MGMT: variants seen among roughly 807,000 people sequenced by gnomAD.
MGMT encodes the protein methylated-DNA--protein-cysteine methyltransferase.
In MGMT, 14 loss-of-function variants were observed where a neutral mutation model predicts 15.9. The ratio of observed to expected loss-of-function variants is 0.88; its 90% CI spans 0.58 to 1.37. MGMT has a LOEUF of 1.37. MGMT is among the 40% of genes most tolerant of loss of function. MGMT has a pLI of 0.00. For synonymous variants in MGMT, 130 were observed against 118.2 expected, an observed-to-expected ratio of 1.10 and a Z score of -0.65; for missense variants, 282 against 268.1, an observed-to-expected ratio of 1.05 and a Z score of -0.36.
chr10:129,472,034 C>T (rs763371874), intron 1 of MGMT, among the ~76,000 whole-genome samples: 2 of 152,198 alleles, frequency 1.3e-5, no homozygotes, highest in African/African-American at 2.4e-5. Context: ...CAAACACACG[C>T]GAAGCACGGG....
At chr10:129,568,025 A>C (rs947015301) in intron 2 of MGMT, among the ~76,000 whole-genome samples, 2 of 152,228 alleles carry the variant, frequency 1.3e-5, no homozygotes, top group Non-Finnish European at 2.9e-5. Flanking sequence ...GTTGCACTTT[A>C]AGAGACATTA....
chr10:129,483,649 G>A (rs1212774469), intron 1 of MGMT, among the ~76,000 whole-genome samples: 1 of 152,072 alleles, frequency 6.6e-6, no homozygotes, highest in African/African-American at 2.4e-5. Context: ...TCTTCTGTAT[G>A]TAATCTGGCA....
intron 1 of MGMT, among the ~76,000 whole-genome samples, chr10:129,513,224 G>A (rs997639268): frequency 1.3e-5 from 2 of 152,170 alleles, no homozygotes; most frequent in African/African-American, 4.8e-5. Context: ...AAGTAGAATA[G>A]TGGGTGCTGG....
At chr10:129,643,530 G>A (rs532593377) in intron 2 of MGMT, among the ~76,000 whole-genome samples, 2 of 152,212 alleles carry the variant, frequency 1.3e-5, no homozygotes, top group African/African-American at 2.4e-5. Context: ...CTTGAGAGTC[G>A]AGCTCCACCT....
intron 1 of MGMT, among the ~76,000 whole-genome samples, chr10:129,521,722 G>A (rs1167890378): frequency 5.3e-5 from 8 of 152,272 alleles, no homozygotes; most frequent in Non-Finnish European, 8.8e-5. Flanking sequence ...CCACAGTGTC[G>A]GCTCAAGAAG....
intron 3 of MGMT, among the ~76,000 whole-genome samples, chr10:129,725,441 A>T (rs560836290): frequency 6.6e-6 from 1 of 152,358 alleles, no homozygotes; most frequent in East Asian, 1.9e-4. Context: ...GTTTTCTCTA[A>T]TATTTCCACA....
intron 2 of MGMT, among the ~76,000 whole-genome samples, chr10:129,702,596 G>C (rs1319304879): frequency 6.6e-6 from 1 of 152,166 alleles, no homozygotes; most frequent in Non-Finnish European, 1.5e-5. Context: ...GTCTCCTGCA[G>C]GGTTTGAGGG....
chr10:129,580,730 T>C (rs149046209), intron 2 of MGMT, among the ~76,000 whole-genome samples: 305 of 152,284 alleles, frequency 2.0e-3, no homozygotes, highest in Admixed American at 2.8e-3. Flanking sequence ...CACCCCATGA[T>C]TGGGGATACC....
chr10:129,698,277 C>T (rs373792594), intron 2 of MGMT, among the ~76,000 whole-genome samples: 3 of 152,126 alleles, frequency 2.0e-5, no homozygotes, highest in East Asian at 3.9e-4. Flanking sequence ...CAGACACCAG[C>T]GGTTGACCAG....
At chr10:129,714,587 C>G (rs1207553448) in intron 3 of MGMT, among the ~76,000 whole-genome samples, 1 of 152,102 alleles carries the variant, frequency 6.6e-6, no homozygotes, top group Non-Finnish European at 1.5e-5. Context: ...TACACTAAAA[C>G]CTTAGCATGG....
intron 2 of MGMT, among the ~76,000 whole-genome samples, chr10:129,630,860 G>T (rs1419643705): frequency 6.6e-6 from 1 of 152,220 alleles, no homozygotes; most frequent in African/African-American, 2.4e-5. Context: ...TGGCCAGGCT[G>T]CTTCCGATAC....
intron 2 of MGMT, among the ~76,000 whole-genome samples, chr10:129,639,815 G>T (rs1847306267): frequency 1.3e-5 from 2 of 151,682 alleles, no homozygotes; most frequent in African/African-American, 4.8e-5. Context: ...ACAGAAGGAA[G>T]GAGATAATAA....
chr10:129,627,246 G>T (rs1847160314), intron 2 of MGMT, among the ~76,000 whole-genome samples: 1 of 152,162 alleles, frequency 6.6e-6, no homozygotes, highest in African/African-American at 2.4e-5. Flanking sequence ...TTCTCACGTG[G>T]ATCAGTCTAA....
intron 2 of MGMT, among the ~76,000 whole-genome samples, chr10:129,686,240 C>T (rs1300022038): frequency 6.6e-6 from 1 of 150,948 alleles, no homozygotes; most frequent in Non-Finnish European, 1.5e-5. Flanking sequence ...TATGCTATTG[C>T]TAATAAATTG....
chr10:129,499,512 T>G (rs1291730225), intron 1 of MGMT, among the ~76,000 whole-genome samples: 1 of 152,254 alleles, frequency 6.6e-6, no homozygotes, highest in East Asian at 1.9e-4. Context: ...AATAGCATTT[T>G]CTGCTAATTT....
intron 3 of MGMT, among the ~76,000 whole-genome samples, chr10:129,731,028 G>A (rs922748398): frequency 2.6e-5 from 4 of 152,116 alleles, no homozygotes; most frequent in Admixed American, 6.5e-5. Flanking sequence ...CTCCAGGAGC[G>A]AGCCTCCTAG....
In MGMT at chr10:129,538,614, C is replaced by T. The variant is rs112759020; in HGVS notation, c.125+2237C>T. The stretch of plus-strand genomic sequence containing the variant: ...TTCCTATGTTTTCTTTGTGAAATAT[C>T]TACTCAAGTCTTTTGCCCATTTTTT... On this transcript the variant is annotated intron_variant, in intron 2 of 4. Transcript: ENST00000651593. 2.9e-3 allele frequency among the ~76,000 whole-genome samples: 434 copies of T among 152,066 alleles called. 4 individuals carry two copies. The highest frequency in any genetic ancestry group is 4.8e-3 in the Non-Finnish European group (323 of 67,978).
At chr10:129,480,636 G>C (rs1845347304) in intron 1 of MGMT, among the ~76,000 whole-genome samples, 1 of 152,150 alleles carries the variant, frequency 6.6e-6, no homozygotes. Context: ...CCAGCACTTT[G>C]GGAGGCTGAG....
intron 2 of MGMT, among the ~76,000 whole-genome samples, chr10:129,695,756 G>A (rs1035493065): frequency 6.6e-6 from 1 of 152,152 alleles, no homozygotes; most frequent in African/African-American, 2.4e-5. Flanking sequence ...ATCAGAAACC[G>A]CTGCCTGCCT....
Sources: allele counts gnomAD v4.1 joint callset (sites outside exome capture counted in the v4.1 genomes callset), GRCh38; gene constraint gnomAD v4.1.1; transcripts MANE v1.5; gene names NCBI Gene and HGNC (gene_info 2026-07-23, HGNC 2026-07-21).